TTC21A: variants seen among roughly 807,000 people sequenced by gnomAD.
TTC21A encodes tetratricopeptide repeat domain 21A.
A neutral mutation model predicts 156.4 loss-of-function variants in TTC21A; 128 were observed. The observed-to-expected ratio is 0.82, with a 90% CI of 0.71 to 0.95. The LOEUF is 0.95. TTC21A is among the 40% of genes least tolerant of loss of function. The pLI, the probability that TTC21A is intolerant of heterozygous loss-of-function variation, is 0.00. For synonymous variants in TTC21A, 587 were observed against 617.1 expected (o/e 0.95, Z 0.72); for missense variants, 1,435 against 1,602.3 (o/e 0.90, Z 1.78).
chr3:39,131,136 C>T (rs764712706), intron 19 of TTC21A, 41 bp downstream of exon 19: 1 of 1,521,392 alleles, frequency 6.6e-7, no homozygotes, highest in Non-Finnish European at 9.0e-7. Context: ...CTGCCATCTG[C>T]TGATGGGGGC....
At chr3:39,122,810 AAGGGGCAGAGTCCCAGTGGTTAGCC>A (rs1359523873) in intron 9 of TTC21A, among the ~76,000 whole-genome samples, 1 of 152,236 alleles carries the variant, frequency 6.6e-6, no homozygotes, top group African/African-American at 2.4e-5. Flanking sequence ...TTCCTCCTTC[AAGGGGCAGAGTCCCAGTGGTTAGCC>A]AGAGGAAAGT....
intron 22 of TTC21A, chr3:39,136,086 C>A: frequency 4.2e-6 from 1 of 239,688 alleles, no homozygotes; most frequent in Non-Finnish European, 8.1e-6. Context: ...TAGGTACCTA[C>A]CTAATCTTGC....
chr3:39,109,825 A>G (rs896918871), intron 2 of TTC21A, among the ~76,000 whole-genome samples: 3 of 152,200 alleles, frequency 2.0e-5, no homozygotes, highest in Non-Finnish European at 2.9e-5. Flanking sequence ...TTTCAAGTCC[A>G]AGATTTCCAG....
At chr3:39,124,491 T>C (rs1354763053) in intron 9 of TTC21A, among the ~76,000 whole-genome samples, 6 of 151,520 alleles carry the variant, frequency 4.0e-5, no homozygotes, top group Admixed American at 4.0e-4. Flanking sequence ...AAAACCCCGT[T>C]TCTACTAAAA....
In TTC21A at chr3:39,110,921, G is replaced by A. The variant is rs377749938; in HGVS notation, c.339G>A (p.Leu113=). Residue 113 remains leucine, a synonymous_variant, in exon 4 of 29, where the codon CTG becomes CTA. Coordinates refer to ENST00000683103, the MANE Select transcript of TTC21A (RefSeq NM_001366900.1). ...EIRKTVSGTA[L]YYAGLFLWLI... Reference sequence around the variant, plus strand: ...GCAAGACAGTCAGTGGGACTGCACTGTACTATGCTGGCCTTTTCCTCTGGC... The same window carrying A: ...GCAAGACAGTCAGTGGGACTGCACTATACTATGCTGGCCTTTTCCTCTGGC... 4.3e-6 allele frequency: 7 copies of A among 1,613,984 alleles called. No individual in the cohort carries two copies. The highest frequency in any genetic ancestry group is 1.1e-5 in the South Asian group (1 of 91,084).
At chr3:39,113,871 G>A (rs116583303) in intron 5 of TTC21A, among the ~76,000 whole-genome samples, 5 of 152,284 alleles carry the variant, frequency 3.3e-5, no homozygotes, top group African/African-American at 4.8e-5. Context: ...ACATTTATGC[G>A]TAAGTCTTCA....
In TTC21A at chr3:39,120,000, A is replaced by G. The variant is rs569814356; in HGVS notation, c.880A>G (p.Ile294Val). Residue 294 changes from isoleucine to valine, a missense_variant, in exon 8 of 29, where the codon ATT (isoleucine) becomes GTT (valine). Physicochemically the swap from Ile to Val is conservative, Grantham distance 29 (BLOSUM62 3). Coordinates refer to ENST00000683103, the MANE Select transcript of TTC21A (RefSeq NM_001366900.1). ...PENPSLHLKK[I>V]IVVSRLCGSH... ...AAATCCAAGCCTCCATCTTAAAAAA[A>G]TTATTGTGGTTAGCCGACTGGTAAG... 3.1e-6 allele frequency: 5 copies of G among 1,606,324 alleles called. No individual in the cohort carries two copies. In the Admixed American group the frequency reaches 5.0e-5, roughly 16 times the overall value.
In TTC21A at chr3:39,136,402, G is replaced by A; in HGVS notation, c.2990G>A (p.Ser997Asn). ...AAATTAATCGATCTGCTAAGAAGAA[G>A]TGGAAAACTTGAAGACATTCCTGCC... is the stretch of plus-strand genomic sequence containing the variant. Reference protein sequence around the residue: ...LHKLIDLLRRSGKLEDIPAFF... With the variant: ...LHKLIDLLRRNGKLEDIPAFF... Residue 997 changes from serine to asparagine, a missense_variant, in exon 23 of 29, where the codon AGT becomes AAT. Transcript: ENST00000683103. 1 of 1,614,028 alleles carries A rather than the reference G, an allele frequency of 6.2e-7. No individual in the cohort carries two copies. The highest frequency in any genetic ancestry group is 2.2e-5 in the East Asian group (1 of 44,900).
In TTC21A at chr3:39,111,025, C is replaced by G. The variant is rs781038779; in HGVS notation, c.435+8C>G. On this transcript the variant is annotated splice_region_variant and intron_variant, in intron 4 of 28. Transcript: ENST00000683103. The stretch of plus-strand genomic sequence containing the variant: ...TCTAGAGGCTTCAGAGAGGTACTTA[C>G]CACACCATGGGGACAACAGGCGAAG... The G allele has an allele frequency of 6.3e-7, 1 of 1,594,682 alleles. No individual in the cohort carries two copies. The highest frequency in any genetic ancestry group is 1.1e-5 in the South Asian group (1 of 90,106).
chr3:39,119,691 C>A (rs949502321), intron 7 of TTC21A: 7 of 394,232 alleles, frequency 1.8e-5, no homozygotes, highest in African/African-American at 6.4e-5. Flanking sequence ...AGGGGCAGTG[C>A]CAGCTCTGGG....
At chr3:39,117,755 C>G (rs1455584897) in intron 6 of TTC21A, among the ~76,000 whole-genome samples, 1 of 152,182 alleles carries the variant, frequency 6.6e-6, no homozygotes, top group Admixed American at 6.5e-5. Flanking sequence ...TCACATGGTC[C>G]ACATTCCATA....
Position 39,131,048 on chromosome 3 carries a change from G to A in TTC21A, c.2515G>A (p.Val839Ile), listed in dbSNP as rs900089787. 1 of 1,613,154 alleles carries A rather than the reference G, an allele frequency of 6.2e-7. No individual in the cohort carries two copies. The highest frequency in any genetic ancestry group is 1.3e-5 in the African/African-American group (1 of 74,898). ...TAAGTGCCTGCTTTTGCTGGCAAAG[G>A]TTTACAAGAGCCATAAAAAAGAAGC... ...DVKCLLLLAK[V>I]YKSHKKEAVI... The change falls in exon 19 of 29, where the codon GTT (valine) becomes ATT (isoleucine). Residue 839 changes from valine to isoleucine, a missense_variant. Coordinates refer to ENST00000683103, the MANE Select transcript of TTC21A (RefSeq NM_001366900.1).
chr3:39,134,375 C>A lies in TTC21A; in HGVS notation c.2862+47C>A. On this transcript the variant is annotated intron_variant, in intron 21 of 28. Transcript: ENST00000683103. This position sits in a 1 kb window ranked among gnomAD's most constrained non-coding sequence, Gnocchi z 4.6. ...CTCCCTCCCCTCCCTTCCTCCCTTC[C>A]CAGGGTCCCTGTGACCAGATGCAGG... is the stretch of plus-strand genomic sequence containing the variant. 7 of 1,364,588 alleles carry A rather than the reference C, an allele frequency of 5.1e-6. No individual in the cohort carries two copies. The highest frequency in any genetic ancestry group is 6.3e-6 in the Non-Finnish European group (6 of 952,352). The allele number at this position is 1,364,588 out of a possible 1,614,324, so 84.5% of individuals were successfully genotyped here. A position where few individuals can be genotyped will look rare whatever the true frequency, so the allele number is the denominator to read the frequency against.
chr3:39,126,511 C>T (rs2038263269), intron 12 of TTC21A, 121 bp downstream of exon 12: 9 of 1,011,214 alleles, frequency 8.9e-6, no homozygotes, highest in South Asian at 7.4e-5. Flanking sequence ...CACACACACA[C>T]ACACACACAC....
chr3:39,133,807 G>T (rs1029194232), intron 20 of TTC21A, among the ~76,000 whole-genome samples: 2 of 152,220 alleles, frequency 1.3e-5, no homozygotes, highest in Non-Finnish European at 2.9e-5. Context: ...GCAAAGCTTG[G>T]TCACTGCCCA....
In TTC21A at chr3:39,125,073, G is replaced by A; in HGVS notation, c.1104G>A (p.Leu368=). ...DGMAGLTGII[L]CHILEGHLEE... is the part of the protein sequence containing the mutation. The stretch of plus-strand genomic sequence containing the variant: ...TTGTCCCATTTACAGGGATCATCTT[G>A]TGTCATATCTTAGAAGGCCACCTGG... Residue 368 remains leucine (L), a synonymous_variant, in exon 10 of 29, where the codon TTG becomes TTA. Transcript: ENST00000683103. The A allele has an allele frequency of 3.1e-6, 5 of 1,611,928 alleles. No homozygotes were observed. The highest frequency in any genetic ancestry group is 2.2e-5 in the East Asian group (1 of 44,880).
chr3:39,130,291 A>G lies in TTC21A; in HGVS notation c.2252A>G (p.Asn751Ser). Residue 751 changes from asparagine (N) to serine (S), a missense_variant, in exon 17 of 29, where the codon AAC (asparagine) becomes AGC (serine). Physicochemically the swap from Asn to Ser is conservative, Grantham distance 46. Coordinates refer to ENST00000683103, the MANE Select transcript of TTC21A (RefSeq NM_001366900.1). This position sits in a 1 kb window ranked among gnomAD's most constrained non-coding sequence, Gnocchi z 4.5. ...GTCTATGATGAGGCCTATAGACAGA[A>G]CCCACATGACGCCTCCCTGGCCAGC... The part of the protein sequence containing the change: ...LEVYDEAYRQ[N>S]PHDASLASRI... 1.2e-6 allele frequency: 2 copies of G among 1,613,978 alleles called. No homozygotes were observed. The highest frequency in any genetic ancestry group is 1.7e-6 in the Non-Finnish European group (2 of 1,179,954).
rs752669087 is a variant in TTC21A, at chr3:39,125,536, AG to A, written c.1392+8del. ...CTTGCTCTTCTGCCCCAAGCAGGTT[AG>A]GGGAAGGCCTGTCTTCATGGTGGGG... On this transcript the variant is annotated splice_donor_5th_base_variant and intron_variant, in intron 11 of 28. Transcript: ENST00000683103. The A allele has an allele frequency of 1.6e-5, 26 of 1,605,534 alleles. No homozygotes were observed. In the East Asian group the frequency reaches 5.8e-4, roughly 36 times the overall value.
Position 39,121,149 on chromosome 3 carries a change from A to T in TTC21A, c.1053A>T (p.Glu351Asp). 6.2e-7 allele frequency: 1 copy of T among 1,614,078 alleles called. No homozygotes were observed. The highest frequency in any genetic ancestry group is 1.1e-5 in the South Asian group (1 of 91,076). Residue 351 changes from glutamate (E) to aspartate (D), a missense_variant, in exon 9 of 29, where the codon GAA becomes GAT. Transcript: ENST00000683103. The part of the protein sequence containing the change: ...QVKEALLWYS[E>D]AMKLDKDGMA... ...AAGAGGCCTTGCTGTGGTATTCAGA[A>T]GCCATGAAACTGGACAAGGATGGCA...
Sources: allele counts gnomAD v4.1 joint callset (sites outside exome capture counted in the v4.1 genomes callset), GRCh38; gene constraint gnomAD v4.1.1; non-coding constraint Gnocchi (gnomAD v3.1); transcripts MANE v1.5; gene names NCBI Gene and HGNC (gene_info 2026-07-23, HGNC 2026-07-21).